Variants in DOCK1 observed in about 807,000 individuals in gnomAD.
The protein encoded by DOCK1 is dedicator of cytokinesis protein 1.
DOCK1 carries 138 observed loss-of-function variants against 262.7 expected under a neutral mutation model. The observed-to-expected ratio is 0.53, with a 90% confidence interval of 0.46 to 0.61. The LOEUF is 0.61. DOCK1 is among the 20% of genes least tolerant of loss of function. The pLI, the probability that DOCK1 is intolerant of heterozygous loss-of-function variation, is 0.00. For missense variants in DOCK1, 1,908 were observed against 2,370.7 expected, an observed-to-expected ratio of 0.80 and a Z score of 4.05; for synonymous variants, 866 against 867.4, an observed-to-expected ratio of 1.00 and a Z score of 0.03.
At chr10:127,049,065 A>AT (rs71490106) in intron 21 of DOCK1, among the ~76,000 whole-genome samples, 69,709 of 152,078 alleles carry the variant, frequency 0.46, 16,151 homozygotes, top group Middle Eastern at 0.55. Context: ...TTTCACGTTG[A>AT]TTTTGTATAT....
At chr10:127,302,739 GGGGTGTGTGTGTGTGTGT>G (rs1266952189) in intron 29 of DOCK1, among the ~76,000 whole-genome samples, 381 of 124,602 alleles carry the variant, frequency 3.1e-3, no homozygotes, top group African/African-American at 0.011. Flanking sequence ...TGGAAAAGAG[GGGGTGTGTGTGTGTGTGT>G]GTGTGTGTGT....
chr10:126,993,266 T>C (rs904609133), intron 6 of DOCK1, among the ~76,000 whole-genome samples: 27 of 152,354 alleles, frequency 1.8e-4, no homozygotes, highest in African/African-American at 5.8e-4. Flanking sequence ...ACCTACTGGC[T>C]GGGCCTCCTA....
chr10:127,445,025 T>G (rs533347372), intron 50 of DOCK1, among the ~76,000 whole-genome samples: 6 of 152,210 alleles, frequency 3.9e-5, no homozygotes, highest in Admixed American at 2.6e-4. Context: ...GATCTCACCT[T>G]GAGATCCTTC....
chr10:126,942,392 CCTT>C (rs1166417105), intron 1 of DOCK1, among the ~76,000 whole-genome samples: 3 of 152,142 alleles, frequency 2.0e-5, no homozygotes, highest in Admixed American at 6.5e-5. Flanking sequence ...TGGGTTCATT[CCTT>C]CTTCTAGGTT....
At chr10:126,961,546 T>A (rs932415152) in intron 1 of DOCK1, among the ~76,000 whole-genome samples, 1 of 152,240 alleles carries the variant, frequency 6.6e-6, no homozygotes, top group Non-Finnish European at 1.5e-5. Context: ...TGTCTCTGAG[T>A]TTGACAACTC....
intron 29 of DOCK1, among the ~76,000 whole-genome samples, chr10:127,315,855 T>C (rs1019886330): frequency 4.6e-5 from 7 of 152,032 alleles, no homozygotes; most frequent in African/African-American, 1.7e-4. Context: ...CCTGCCCCCA[T>C]GCCGGGCCAA....
intron 27 of DOCK1, among the ~76,000 whole-genome samples, chr10:127,220,575 T>C (rs2058391165): frequency 6.6e-6 from 1 of 152,126 alleles, no homozygotes. Context: ...GATTTTGTCT[T>C]GCAACCCTAG....
In DOCK1 at chr10:127,052,822, A is replaced by G. The variant is rs2044829018; in HGVS notation, c.2336+7A>G. On this transcript the variant is annotated splice_region_variant and intron_variant, in intron 22 of 51. Coordinates refer to ENST00000623213, the MANE Select transcript of DOCK1 (RefSeq NM_001290223.2). Reference sequence around the variant, plus strand: ...CCAGGATCCTGTTCAATCAGTGCGTACCTATCCCCTCCATGCCCGGGCTCT... The same window carrying G: ...CCAGGATCCTGTTCAATCAGTGCGTGCCTATCCCCTCCATGCCCGGGCTCT... 2 of 1,607,486 alleles carry G rather than the reference A, an allele frequency of 1.2e-6. No homozygotes were observed. The highest frequency in any genetic ancestry group is 1.7e-6 in the Non-Finnish European group (2 of 1,176,564).
intron 4 of DOCK1, among the ~76,000 whole-genome samples, chr10:126,984,271 C>A (rs2039191978): frequency 6.6e-6 from 1 of 152,120 alleles, no homozygotes; most frequent in South Asian, 2.1e-4. Flanking sequence ...GAGAATCATC[C>A]CCACTGTTGG....
intron 27 of DOCK1, among the ~76,000 whole-genome samples, chr10:127,134,273 G>T (rs540850411): frequency 5.9e-5 from 9 of 152,278 alleles, no homozygotes; most frequent in African/African-American, 2.2e-4. Context: ...CCTTGTGACT[G>T]TTTATAGGTT....
At chr10:127,235,365 AT>A (rs58621294) in intron 27 of DOCK1, among the ~76,000 whole-genome samples, 152,049 of 152,272 alleles carry the variant, frequency 1, 75,913 homozygotes, top group Non-Finnish European at 1. Context: ...CTAGAACGAC[AT>A]TAAAAATGGA....
In DOCK1 at chr10:127,061,639, G is replaced by T; in HGVS notation, c.2337-29G>T. On this transcript the variant is annotated intron_variant, in intron 22 of 51. Transcript: ENST00000623213. ...AAAAATGTTGAGGTGTTTCTGCCAG[G>T]CCCCCACAGTTTGTGTGTTTCTTTG... 6.4e-7 allele frequency: 1 copy of T among 1,558,612 alleles called. No homozygotes were observed. The highest frequency in any genetic ancestry group is 1.2e-5 in the South Asian group (1 of 84,996).
At chr10:126,919,186 C>T (rs540440581) in intron 1 of DOCK1, among the ~76,000 whole-genome samples, 3 of 152,198 alleles carry the variant, frequency 2.0e-5, no homozygotes, top group Admixed American at 6.5e-5. Flanking sequence ...CCTTCCTAAA[C>T]GCAGGAACTC....
chr10:127,422,886 A>T (rs1266572940), intron 46 of DOCK1, among the ~76,000 whole-genome samples: 3 of 152,190 alleles, frequency 2.0e-5, no homozygotes, highest in African/African-American at 7.2e-5. Context: ...CTTTTACAGC[A>T]AATTGGATTT....
chr10:127,157,316 A>G (rs1200974952), intron 27 of DOCK1, among the ~76,000 whole-genome samples: 1 of 152,212 alleles, frequency 6.6e-6, no homozygotes, highest in Non-Finnish European at 1.5e-5. Context: ...TCTGTTTGCA[A>G]GTCAGAAAAA....
At chr10:127,190,671 C>A (rs1281039563) in intron 27 of DOCK1, among the ~76,000 whole-genome samples, 1 of 24,608 alleles carries the variant, frequency 4.1e-5, no homozygotes, top group African/African-American at 1.3e-4. Context: ...ATCTTCCCCC[C>A]CCCCCCCCCC....
chr10:127,357,778 T>A (rs888238321), intron 32 of DOCK1, among the ~76,000 whole-genome samples: 1 of 152,052 alleles, frequency 6.6e-6, no homozygotes, highest in African/African-American at 2.4e-5. Flanking sequence ...TAAAATAAGT[T>A]ATCTTTCAAA....
intron 21 of DOCK1, among the ~76,000 whole-genome samples, chr10:127,045,110 A>C (rs1034146543): frequency 6.7e-6 from 1 of 150,366 alleles, no homozygotes. Context: ...AGGCAGGAGA[A>C]TCACTTGAAC....
intron 35 of DOCK1, 44 bp from the exon 36 acceptor site, chr10:127,380,038 G>A: frequency 7.4e-7 from 1 of 1,347,470 alleles, no homozygotes; most frequent in South Asian, 1.3e-5. Context: ...GATACCTTTT[G>A]TGGAACAGAT....
Sources: allele counts gnomAD v4.1 joint callset (sites outside exome capture counted in the v4.1 genomes callset), GRCh38; gene constraint gnomAD v4.1.1; transcripts MANE v1.5; gene names NCBI Gene and HGNC (gene_info 2026-07-23, HGNC 2026-07-21).